DIPK1A: variants seen among roughly 807,000 people sequenced by gnomAD.
The protein encoded by DIPK1A is family with sequence similarity 69 member A.
Under a neutral mutation model 40.8 loss-of-function variants are expected in DIPK1A, and 27 were observed. That is an observed-to-expected ratio of 0.66 (90% confidence interval 0.49 to 0.91). DIPK1A has a LOEUF of 0.91. Ranked by LOEUF, DIPK1A falls within the 40% of genes least tolerant of loss-of-function variation. DIPK1A has a pLI of 0.00. For missense variants in DIPK1A, 412 were observed against 505.7 expected (o/e 0.81, Z 1.78); for synonymous variants, 166 against 171.3 (o/e 0.97, Z 0.24).
At chr1:92,870,964 C>T (rs1253467381) in intron 2 of DIPK1A, among the ~76,000 whole-genome samples, 1 of 152,176 alleles carries the variant, frequency 6.6e-6, no homozygotes, top group Non-Finnish European at 1.5e-5. Flanking sequence ...CTTAACTCTG[C>T]TTCCTCACTC....
intron 1 of DIPK1A, among the ~76,000 whole-genome samples, chr1:92,956,939 T>G (rs1651876809): frequency 6.6e-6 from 1 of 152,328 alleles, no homozygotes; most frequent in Admixed American, 6.5e-5. Flanking sequence ...CCCAAGTACA[T>G]GGGACTTCAA....
intron 2 of DIPK1A, among the ~76,000 whole-genome samples, chr1:92,854,391 C>T (rs1395894891): frequency 6.6e-6 from 1 of 152,226 alleles, no homozygotes; most frequent in Non-Finnish European, 1.5e-5. Context: ...CTAGCCCAGT[C>T]AGTTTGGCTC....
At chr1:92,953,414 A>C (rs1312720957) in intron 1 of DIPK1A, among the ~76,000 whole-genome samples, 1 of 151,692 alleles carries the variant, frequency 6.6e-6, no homozygotes, top group East Asian at 1.9e-4. Flanking sequence ...CTGGATATAC[A>C]AAAAAATTGA....
At chr1:92,922,755 C>T (rs372850342) in intron 1 of DIPK1A, among the ~76,000 whole-genome samples, 1 of 152,078 alleles carries the variant, frequency 6.6e-6, no homozygotes, top group African/African-American at 2.4e-5. Context: ...TATTTTGAAC[C>T]CTGGCATACA....
chr1:92,878,378 C>CT (rs1466957124), intron 1 of DIPK1A, among the ~76,000 whole-genome samples: 1 of 152,000 alleles, frequency 6.6e-6, no homozygotes, highest in Admixed American at 6.6e-5. Context: ...GACATTGTCT[C>CT]TATGAAAAAA....
chr1:92,908,258 T>C (rs909131031), intron 1 of DIPK1A, among the ~76,000 whole-genome samples: 1 of 152,016 alleles, frequency 6.6e-6, no homozygotes, highest in Non-Finnish European at 1.5e-5. Flanking sequence ...GCCATGGGAG[T>C]AGTCGTCATC....
chr1:92,946,164 T>C (rs1187162909), intron 1 of DIPK1A, among the ~76,000 whole-genome samples: 1 of 152,192 alleles, frequency 6.6e-6, no homozygotes, highest in Non-Finnish European at 1.5e-5. Context: ...ACGTGCTTCC[T>C]ATAATAAAAG....
At position 92,894,299 on chromosome 1, in the gene DIPK1A, CTG is replaced by C. The variant is rs778965928; in HGVS notation, c.55-17871_55-17870del. Among the ~76,000 whole-genome samples, 137 of 152,222 alleles carry C rather than the reference CTG, an allele frequency of 9.0e-4. 1 individual carries two copies. The highest frequency in any genetic ancestry group is 1.4e-3 in the Non-Finnish European group (95 of 68,038). On this transcript the variant is annotated intron_variant, in intron 1 of 4. Coordinates refer to ENST00000370310, the MANE Select transcript of DIPK1A (RefSeq NM_001006605.5). ...GGAAAACAACAGAAATTATAACAAA[CTG>C]TCTCTCAGACCACAGTGCAATCAAA... is the stretch of plus-strand genomic sequence containing the variant.
At position 92,850,738 on chromosome 1, in the gene DIPK1A, C is replaced by A. The variant is rs74101377; in HGVS notation, c.297+110G>T. 2,358 of 657,866 alleles carry A rather than the reference C, an allele frequency of 3.6e-3. 43 individuals carry two copies. In the African/African-American group the frequency reaches 0.037, roughly 10 times the overall value. The allele number at this position is 657,866 out of a possible 1,614,324, so 40.8% of individuals were successfully genotyped here. On this transcript the variant is annotated intron_variant, in intron 3 of 4. Coordinates refer to ENST00000370310, the MANE Select transcript of DIPK1A (RefSeq NM_001006605.5). The stretch of plus-strand genomic sequence containing the variant: ...AATCAAAGCATACAAAATTGAAATA[C>A]ATATAATGTCTCAAAGCTTTGGTTC...
chr1:92,896,712 C>T (rs1025582997), intron 1 of DIPK1A, among the ~76,000 whole-genome samples: 1 of 152,024 alleles, frequency 6.6e-6, no homozygotes, highest in Non-Finnish European at 1.5e-5. Flanking sequence ...TCAGAGTGAA[C>T]AGGCAACCTA....
At chr1:92,918,915 GAATCTA>G (rs1256959077) in intron 1 of DIPK1A, among the ~76,000 whole-genome samples, 14 of 152,278 alleles carry the variant, frequency 9.2e-5, no homozygotes, top group Non-Finnish European at 4.4e-5. Flanking sequence ...GCTCCTGTGA[GAATCTA>G]ATGCCACCGC....
At chr1:92,907,114 A>T (rs1649653905) in intron 1 of DIPK1A, among the ~76,000 whole-genome samples, 1 of 152,228 alleles carries the variant, frequency 6.6e-6, no homozygotes, top group South Asian at 2.1e-4. Flanking sequence ...TAATATAATA[A>T]GGAGATGGGA....
intron 2 of DIPK1A, among the ~76,000 whole-genome samples, chr1:92,866,915 T>C (rs534343259): frequency 6.6e-6 from 1 of 152,330 alleles, no homozygotes; most frequent in Non-Finnish European, 1.5e-5. Context: ...ATATCACTTT[T>C]GCTTCTCTGA....
chr1:92,907,889 C>G (rs1649685718), intron 1 of DIPK1A, among the ~76,000 whole-genome samples: 1 of 150,978 alleles, frequency 6.6e-6, no homozygotes, highest in Non-Finnish European at 1.5e-5. Flanking sequence ...TTTTTTGAGA[C>G]AGGGTCTTAC....
At chr1:92,955,274 AT>A (rs1344274716) in intron 1 of DIPK1A, among the ~76,000 whole-genome samples, 1 of 152,240 alleles carries the variant, frequency 6.6e-6, no homozygotes, top group African/African-American at 2.4e-5. Context: ...GTCATTATGC[AT>A]TTATCCAAAC....
chr1:92,847,862 A>C (rs1687689769), intron 3 of DIPK1A, among the ~76,000 whole-genome samples: 1 of 152,132 alleles, frequency 6.6e-6, no homozygotes, highest in Non-Finnish European at 1.5e-5. Flanking sequence ...CAGTCTCCCA[A>C]GTAGCCAGGA....
chr1:92,903,795 C>T (rs138102019), intron 1 of DIPK1A, among the ~76,000 whole-genome samples: 7 of 152,280 alleles, frequency 4.6e-5, no homozygotes, highest in East Asian at 1.9e-4. Flanking sequence ...TATGTGGGCC[C>T]AGGCAATGAG....
chr1:92,916,674 G>C (rs926336489), intron 1 of DIPK1A, among the ~76,000 whole-genome samples: 53 of 152,188 alleles, frequency 3.5e-4, no homozygotes, highest in African/African-American at 1.2e-3. Flanking sequence ...TCTGAAAATG[G>C]AGTCTACAAT....
intron 1 of DIPK1A, among the ~76,000 whole-genome samples, chr1:92,957,388 T>G (rs184308420): frequency 1.3e-4 from 20 of 152,238 alleles, no homozygotes; most frequent in African/African-American, 4.8e-4. Flanking sequence ...ATGTGCTGCA[T>G]CATTTAGCCA....
Sources: allele counts gnomAD v4.1 joint callset (sites outside exome capture counted in the v4.1 genomes callset), GRCh38; gene constraint gnomAD v4.1.1; transcripts MANE v1.5; gene names NCBI Gene and HGNC (gene_info 2026-07-23, HGNC 2026-07-21).